The following RANBP2 variants were observed in gnomAD, a reference collection of about 807,000 sequenced individuals.
RANBP2 encodes the protein RAN binding protein 2.
A neutral mutation model predicts 303.6 loss-of-function variants in RANBP2; 57 were observed. The ratio of observed to expected loss-of-function variants is 0.19; its 90% CI spans 0.15 to 0.23. The LOEUF is 0.23. Among genes scored for constraint, RANBP2 ranks in the 10% least tolerant of loss-of-function variants. The probability of loss-of-function intolerance (pLI) is 1.00; values close to 1 mark genes in which losing one functional copy is unlikely to be tolerated. For missense variants in RANBP2, 3,138 were observed against 3,780.8 expected (o/e 0.83, Z 4.46); for synonymous variants, 1,167 against 1,301.5 (o/e 0.90, Z 2.23).
the RANBP2 span, among the ~76,000 whole-genome samples, chr2:109,011,269 G>A: frequency 1.2e-4 from 18 of 152,320 alleles, no homozygotes; most frequent in South Asian, 4.1e-4. Flanking sequence ...CATAGGCTGT[G>A]AATGTTTTGA....
intron 25 of RANBP2, among the ~76,000 whole-genome samples, chr2:108,777,747 C>T (rs1216349174): frequency 6.6e-6 from 1 of 152,076 alleles, no homozygotes; most frequent in African/African-American, 2.4e-5. Flanking sequence ...GAATCCATTT[C>T]CCTGATTGTA....
the RANBP2 span, among the ~76,000 whole-genome samples, chr2:109,170,224 CTTCTCTTCTCTTCTTTTCTT>C: frequency 5.7e-3 from 412 of 72,116 alleles, 4 homozygotes; most frequent in African/African-American, 0.018. Context: ...TCTTTTTTCT[CTTCTCTTCTCTTCTTTTCTT>C]TTCTCTTCTC....
the RANBP2 span, among the ~76,000 whole-genome samples, chr2:109,136,437 G>A: frequency 6.6e-6 from 1 of 152,212 alleles, no homozygotes; most frequent in Non-Finnish European, 1.5e-5. Flanking sequence ...ATTGGCAACA[G>A]TGAATGGTTT....
the RANBP2 span, among the ~76,000 whole-genome samples, chr2:109,159,373 G>A: frequency 2.6e-5 from 4 of 152,246 alleles, no homozygotes; most frequent in East Asian, 1.9e-4. Flanking sequence ...GGGTGTATGC[G>A]TGCAGAAGGG....
the RANBP2 span, among the ~76,000 whole-genome samples, chr2:109,286,475 A>G: frequency 1.3e-5 from 2 of 152,182 alleles, no homozygotes; most frequent in African/African-American, 2.4e-5. Flanking sequence ...GCTGCACCAC[A>G]GTCCCGCACA....
At chr2:109,395,608 G>A in the RANBP2 span, among the ~76,000 whole-genome samples, 1 of 152,226 alleles carries the variant, frequency 6.6e-6, no homozygotes, top group Non-Finnish European at 1.5e-5. Context: ...GCTAAGGCAT[G>A]AGGGATGCAT....
chr2:109,266,401 C>T, the RANBP2 span, among the ~76,000 whole-genome samples: 1 of 151,928 alleles, frequency 6.6e-6, no homozygotes, highest in Non-Finnish European at 1.5e-5. Context: ...CAGGAGTGTC[C>T]TCCGATACAA....
At chr2:109,627,440 A>C in the RANBP2 span, among the ~76,000 whole-genome samples, 1 of 152,132 alleles carries the variant, frequency 6.6e-6, no homozygotes, top group Non-Finnish European at 1.5e-5. Flanking sequence ...CAGGTGATCC[A>C]CTCACCTTGG....
chr2:109,616,498 C>T, the RANBP2 span: 2 of 167,554 alleles, frequency 1.2e-5, no homozygotes, highest in Non-Finnish European at 2.9e-5. Flanking sequence ...AATGAAACTA[C>T]ATTGTATTTC....
chr2:109,471,170 G>A, the RANBP2 span, among the ~76,000 whole-genome samples: 498 of 134,604 alleles, frequency 3.7e-3, 18 homozygotes, highest in East Asian at 0.068. Context: ...CCGAGATCGT[G>A]CCATTGCACT....
In RANBP2 at chr2:108,782,039, A is replaced by G; in HGVS notation, c.8761-89A>G. On this transcript the variant is annotated intron_variant, in intron 26 of 28. Transcript: ENST00000283195. ...CAAATTCTCTTTGTCATCACAAAGA[A>G]AATGCCTTAAAAGAATTTGGATCTT... 5 of 1,456,216 alleles carry G rather than the reference A, an allele frequency of 3.4e-6. No individual in the cohort carries two copies. In the East Asian group the frequency reaches 1.1e-4, roughly 33 times the overall value. The allele number at this position is 1,456,216 out of a possible 1,614,324, so 90.2% of individuals were successfully genotyped here.
the RANBP2 span, among the ~76,000 whole-genome samples, chr2:108,917,186 C>T: frequency 6.6e-6 from 1 of 152,144 alleles, no homozygotes; most frequent in Non-Finnish European, 1.5e-5. Flanking sequence ...ATGGATCTGC[C>T]CCAAGCACAG....
At chr2:109,669,527 T>C in the RANBP2 span, among the ~76,000 whole-genome samples, 1 of 151,994 alleles carries the variant, frequency 6.6e-6, no homozygotes, top group African/African-American at 2.4e-5. Context: ...GAACAGAAGA[T>C]CTGAATAAAT....
chr2:108,735,812 A>G lies in RANBP2; in HGVS notation c.636+50A>G, dbSNP rs764660065. 4 of 1,597,594 alleles carry G rather than the reference A, an allele frequency of 2.5e-6. No individual in the cohort carries two copies. The Admixed American group carries it at 6.7e-5, about 27-fold the overall frequency. The stretch of plus-strand genomic sequence containing the variant: ...ACATTTCTATGTAGGCAATTAGCAT[A>G]CATCTTTTTGTACTAAAGCAGCAGT... On this transcript the variant is annotated intron_variant, in intron 5 of 28. Transcript: ENST00000283195.
the RANBP2 span, chr2:108,873,467 C>G: frequency 1.3e-6 from 2 of 1,599,428 alleles, no homozygotes; most frequent in Non-Finnish European, 1.7e-6. Context: ...TGCAGCCTTT[C>G]CTGGAAGCCT....
At chr2:109,270,671 C>T in the RANBP2 span, among the ~76,000 whole-genome samples, 1 of 152,160 alleles carries the variant, frequency 6.6e-6, no homozygotes, top group Non-Finnish European at 1.5e-5. Context: ...GTGTCTTGGC[C>T]CCGTATCTGG....
chr2:109,569,089 T>TCATA, the RANBP2 span, among the ~76,000 whole-genome samples: 1 of 152,098 alleles, frequency 6.6e-6, no homozygotes, highest in African/African-American at 2.4e-5. Flanking sequence ...GGCTAATCAG[T>TCATA]CATATGTATC....
intron 23 of RANBP2, among the ~76,000 whole-genome samples, chr2:108,773,318 A>T (rs1321405050): frequency 6.6e-6 from 1 of 151,888 alleles, no homozygotes; most frequent in African/African-American, 2.4e-5. Context: ...GGATTTCGCC[A>T]TGTTGGGCCA....
chr2:109,095,504 A>T, the RANBP2 span, among the ~76,000 whole-genome samples: 1 of 152,214 alleles, frequency 6.6e-6, no homozygotes. Context: ...GGTTTAAGCA[A>T]GGTGAAAGGG....
Sources: allele counts gnomAD v4.1 joint callset (sites outside exome capture counted in the v4.1 genomes callset), GRCh38; gene constraint gnomAD v4.1.1; transcripts MANE v1.5; gene names NCBI Gene and HGNC (gene_info 2026-07-23, HGNC 2026-07-21).